Variants in STK36 observed in about 807,000 individuals in gnomAD.
The protein encoded by STK36 is serine/threonine-protein kinase 36.
Under a neutral mutation model 142.2 loss-of-function variants are expected in STK36, and 116 were observed. The ratio of observed to expected loss-of-function variants is 0.82; its 90% confidence interval spans 0.70 to 0.95. The LOEUF is 0.95. STK36 is among the 40% of genes least tolerant of loss of function. The pLI is 0.00. For missense variants in STK36, 1,422 were observed against 1,617.2 expected, an observed-to-expected ratio of 0.88 and a Z score of 2.07; for synonymous variants, 619 against 641.7, an observed-to-expected ratio of 0.96 and a Z score of 0.53.
chr2:218,680,722 A>G lies in STK36; in HGVS notation c.1236+20A>G. 3.8e-6 allele frequency: 6 copies of G among 1,597,890 alleles called. No individual in the cohort carries two copies. Among genetic ancestry groups the G allele is most frequent in the Non-Finnish European group, 4.3e-6 (5 of 1,171,362 alleles). On this transcript the variant is annotated intron_variant, in intron 10 of 26. Transcript: ENST00000295709. Reference sequence around the variant, plus strand: ...AATGAGGTGAGCCCTAGGGTCTCTTACTGACTTTGTCTCTTTCATGGGATG... The same window carrying G: ...AATGAGGTGAGCCCTAGGGTCTCTTGCTGACTTTGTCTCTTTCATGGGATG...
intron 10 of STK36, among the ~76,000 whole-genome samples, chr2:218,683,798 T>C (rs1940644792): frequency 2.0e-5 from 3 of 151,948 alleles, no homozygotes; most frequent in South Asian, 4.2e-4. Flanking sequence ...TGTGTTCTCA[T>C]TGTTCAATTC....
rs1489473840 is a variant in STK36, at chr2:218,680,591, T to C, written c.1137-12T>C. On this transcript the variant is annotated splice_polypyrimidine_tract_variant and intron_variant, in intron 9 of 26. Transcript: ENST00000295709. ...TTTGGAACCCGTTCTACCCCTTGGC[T>C]TCCTCCGGCAGGGAAAACCGGACCA... 2 of 1,609,268 alleles carry C rather than the reference T, an allele frequency of 1.2e-6. No individual in the cohort carries two copies. The highest frequency in any genetic ancestry group is 1.7e-6 in the Non-Finnish European group (2 of 1,177,900).
chr2:218,685,612 C>T (rs1314542739), intron 11 of STK36, among the ~76,000 whole-genome samples: 3 of 152,060 alleles, frequency 2.0e-5, no homozygotes, highest in African/African-American at 7.2e-5. Flanking sequence ...ATATTTTGTA[C>T]TACAGGTACA....
At chr2:218,677,768 T>C (rs554838751) in intron 6 of STK36, among the ~76,000 whole-genome samples, 2 of 152,062 alleles carry the variant, frequency 1.3e-5, no homozygotes, top group South Asian at 4.2e-4. Flanking sequence ...GAGGGAAGAG[T>C]AGAAGAGGAG....
intron 26 of STK36, among the ~76,000 whole-genome samples, chr2:218,701,341 C>G (rs974825226): frequency 6.6e-6 from 1 of 151,550 alleles, no homozygotes; most frequent in Admixed American, 6.6e-5. Context: ...GGGGTTTCAC[C>G]GTGATAGCCA....
In STK36 at chr2:218,698,018, C is replaced by A. The variant is rs1941301443; in HGVS notation, c.3057+17C>A. The A allele has an allele frequency of 9.3e-6, 15 of 1,613,946 alleles. No individual in the cohort carries two copies. Among genetic ancestry groups the A allele is most frequent in the Non-Finnish European group, 1.2e-5 (14 of 1,179,968 alleles). On this transcript the variant is annotated intron_variant, in intron 25 of 26. Coordinates refer to ENST00000295709, the MANE Select transcript of STK36 (RefSeq NM_015690.5). ...CTGCTGCAGGTACTTGGGCAGCTAG[C>A]ATGAAGGTGGGAGAGGAAGATAGCC...
intron 13 of STK36, 40 bp from the exon 14 acceptor site, chr2:218,690,410 T>C: frequency 6.5e-7 from 1 of 1,548,636 alleles, no homozygotes; most frequent in Non-Finnish European, 8.9e-7. Flanking sequence ...AGGCTTTTAG[T>C]AGAGAGATAA....
intron 26 of STK36, among the ~76,000 whole-genome samples, chr2:218,699,657 ACT>A (rs998125660): frequency 1.5e-4 from 22 of 151,492 alleles, no homozygotes; most frequent in African/African-American, 4.4e-4. Context: ...GAGTAGTTTT[ACT>A]CTGTGTGCCA....
rs1234013364 is a variant in STK36 at position 218,697,852 on chromosome 2, AGGCCTCATG to A, written c.2911_2919del (p.Pro971_Gly973del). 3 of 1,614,068 alleles carry A rather than the reference AGGCCTCATG, an allele frequency of 1.9e-6. No individual in the cohort carries two copies. In the African/African-American group the frequency reaches 4.0e-5, roughly 22 times the overall value. ...AAGTCTCTTCGACATTCCTCTCCTT[AGGCCTCATG>A]GGTCTGAGTTTCTCCCTGTCGTGGT... is the stretch of plus-strand genomic sequence containing the variant. On this transcript the variant is annotated splice_acceptor_variant and coding_sequence_variant, in exon 25 of 27. Coordinates refer to ENST00000295709, the MANE Select transcript of STK36 (RefSeq NM_015690.5). LOFTEE classifies it high-confidence loss of function.
At chr2:218,692,320 TCTTGA>T in intron 15 of STK36, 27 bp downstream of exon 15, 1 of 1,612,828 alleles carries the variant, frequency 6.2e-7, no homozygotes, top group Non-Finnish European at 8.5e-7. Flanking sequence ...AGGGAGGTTC[TCTTGA>T]CTTACTTGTT....
chr2:218,677,518 G>T (rs377236498), intron 6 of STK36, among the ~76,000 whole-genome samples: 36 of 152,212 alleles, frequency 2.4e-4, no homozygotes, highest in African/African-American at 8.4e-4. Context: ...TTTGAGCCAG[G>T]CTATGCTTTA....
intron 22 of STK36, 44 bp downstream of exon 22, chr2:218,696,645 A>T: frequency 5.0e-6 from 8 of 1,599,486 alleles, no homozygotes; most frequent in Non-Finnish European, 6.9e-6. Context: ...AGAGAGAGGA[A>T]CTGGGCATTT....
chr2:218,685,599 A>G (rs972938097), intron 11 of STK36, among the ~76,000 whole-genome samples: 3 of 152,302 alleles, frequency 2.0e-5, no homozygotes, highest in South Asian at 4.1e-4. Flanking sequence ...AATTAAATAT[A>G]CAATATTTTG....
intron 23 of STK36, 59 bp from the exon 24 acceptor site, chr2:218,697,404 A>G: frequency 6.3e-7 from 1 of 1,594,664 alleles, no homozygotes; most frequent in Non-Finnish European, 8.5e-7. Flanking sequence ...GCTGTGGGGA[A>G]GCAGGGGTAT....
intron 10 of STK36, among the ~76,000 whole-genome samples, chr2:218,683,671 G>A (rs1002679779): frequency 4.6e-5 from 7 of 152,100 alleles, no homozygotes; most frequent in African/African-American, 1.7e-4. Flanking sequence ...TGCCATGCTG[G>A]TGCGCAGCAC....
At position 218,698,882 on chromosome 2, in the gene STK36, C is replaced by G. The variant is rs762263001; in HGVS notation, c.3338C>G (p.Pro1113Arg). The G allele has an allele frequency of 6.2e-7, 1 of 1,614,196 alleles. No homozygotes were observed. Among genetic ancestry groups the G allele is most frequent in the Non-Finnish European group, 8.5e-7 (1 of 1,180,032 alleles). ...GCTGGCTCTGATGAATCCTATCGGC[C>G]CCTGCGCAGCCTCCTGGGCCACCCA... ...LLAGSDESYRPLRSLLGHPEN... is the reference protein window; with the variant it reads ...LLAGSDESYRRLRSLLGHPEN... The change falls in exon 26 of 27, where the codon CCC becomes CGC. Residue 1113 changes from proline to arginine, a missense_variant. Coordinates refer to ENST00000295709, the MANE Select transcript of STK36 (RefSeq NM_015690.5).
At chr2:218,687,574 T>C (rs1266125688) in intron 11 of STK36, among the ~76,000 whole-genome samples, 1 of 152,182 alleles carries the variant, frequency 6.6e-6, no homozygotes, top group Non-Finnish European at 1.5e-5. Context: ...GTTTTCCTCC[T>C]AGTGTTGGAT....
intron 12 of STK36, among the ~76,000 whole-genome samples, 187 bp from the exon 13 acceptor site, chr2:218,689,672 A>G (rs1314121510): frequency 2.6e-5 from 4 of 152,248 alleles, no homozygotes; most frequent in African/African-American, 9.6e-5. Flanking sequence ...CATTTAATCC[A>G]GGCTGTTCAC....
intron 2 of STK36, 69 bp downstream of exon 2, chr2:218,672,982 A>T: frequency 1.4e-6 from 2 of 1,384,782 alleles, no homozygotes; most frequent in East Asian, 4.6e-5. Context: ...AAATGGATCT[A>T]GAAGGAATGT....
Sources: gnomAD v4.1 joint callset for allele counts (sites outside exome capture counted in the v4.1 genomes callset) on GRCh38, gnomAD v4.1.1 for gene constraint, MANE v1.5 for transcripts, NCBI Gene and HGNC (gene_info 2026-07-23, HGNC 2026-07-21) for gene names.